Variants in ZNF517 observed in about 807,000 individuals in gnomAD.
ZNF517 encodes zinc finger protein 517.
A neutral mutation model predicts 12.1 loss-of-function variants in ZNF517; 12 were observed. That is an observed-to-expected ratio of 0.99 (90% CI 0.63 to 1.61). The LOEUF (loss-of-function observed/expected upper bound fraction) is 1.61. Among genes scored for constraint, ZNF517 ranks in the 40% most tolerant of loss-of-function variants. The pLI, the probability that ZNF517 is intolerant of heterozygous loss-of-function variation, is 0.00. For synonymous variants in ZNF517, 388 were observed against 310.2 expected (o/e 1.25, Z -2.63); for missense variants, 781 against 693.2 (o/e 1.13, Z -1.42).
chr8:144,799,052 C>G (rs1424417421), intron 1 of ZNF517, 115 bp downstream of exon 1: 1 of 152,220 alleles, frequency 6.6e-6, no homozygotes, highest in African/African-American at 2.4e-5. Context: ...GGGAGCGGAC[C>G]CGCAGCCGTC....
rs747014777 is a variant in ZNF517 at position 144,808,196 on chromosome 8, C to T, written c.1280C>T (p.Thr427Ile). 5.6e-6 allele frequency: 9 copies of T among 1,604,734 alleles called. No individual in the cohort carries two copies. Among genetic ancestry groups the T allele is most frequent in the South Asian group, 1.1e-5 (1 of 89,910 alleles). Reference sequence around the variant, plus strand: ...ACCAAGGAGAAGCCCTTCGCGTGCACCGAGTGCGGCAAGGCGTTCCGCAGG... The same window carrying T: ...ACCAAGGAGAAGCCCTTCGCGTGCATCGAGTGCGGCAAGGCGTTCCGCAGG... The part of the protein sequence containing the change: ...IHTKEKPFAC[T>I]ECGKAFRRSY... Residue 427 changes from threonine (T) to isoleucine (I), a missense_variant, in exon 5 of 5, where the codon ACC (threonine) becomes ATC (isoleucine). Physicochemically the swap from Thr to Ile is moderately conservative, Grantham distance 89. Coordinates refer to ENST00000359971, the MANE Select transcript of ZNF517 (RefSeq NM_213605.3).
chr8:144,806,879 C>T (rs1827248704), intron 4 of ZNF517, among the ~76,000 whole-genome samples: 2 of 152,224 alleles, frequency 1.3e-5, no homozygotes, highest in East Asian at 3.9e-4. Context: ...GGTATCATTT[C>T]ACAGTGTAGA....
chr8:144,806,891 G>A (rs1352816860), intron 4 of ZNF517, among the ~76,000 whole-genome samples: 3 of 151,138 alleles, frequency 2.0e-5, no homozygotes, highest in Admixed American at 6.6e-5. Flanking sequence ...CAGTGTAGAT[G>A]TTTATTGAAT....
At position 144,807,369 on chromosome 8, in the gene ZNF517, C is replaced by A. The variant is rs1214189436; in HGVS notation, c.453C>A (p.Pro151=). The A allele has an allele frequency of 1.9e-6, 3 of 1,555,430 alleles. No homozygotes were observed. Among genetic ancestry groups the A allele is most frequent in the Non-Finnish European group, 2.6e-6 (3 of 1,149,374 alleles). ...ACGGGTCAGATAAACCCACCCACCCCCGGGCTCGGGAGCACAGCGCCTCCC... is the reference window on the plus strand; with the variant it reads ...ACGGGTCAGATAAACCCACCCACCCACGGGCTCGGGAGCACAGCGCCTCCC... ...PEDGSDKPTH[P]RAREHSASPR... The change falls in exon 5 of 5, where the codon CCC becomes CCA. Residue 151 remains proline, a synonymous_variant. Transcript: ENST00000359971.
chr8:144,807,689 A>G lies in ZNF517; in HGVS notation c.773A>G (p.Glu258Gly). ...LAAHHRVHTRERPYACGECGK... is the reference protein window; with the variant it reads ...LAAHHRVHTRGRPYACGECGK... ...GCCCACCACCGCGTCCACACCCGCG[A>G]GCGGCCCTACGCATGCGGCGAGTGC... Residue 258 changes from glutamate to glycine, a missense_variant, in exon 5 of 5, where the codon GAG (glutamate) becomes GGG (glycine). Glu to Gly is a moderately conservative substitution (Grantham distance 98). Coordinates refer to ENST00000359971, the MANE Select transcript of ZNF517 (RefSeq NM_213605.3). 3.7e-6 allele frequency: 6 copies of G among 1,610,648 alleles called. No homozygotes were observed. Among genetic ancestry groups the G allele is most frequent in the Non-Finnish European group, 5.1e-6 (6 of 1,179,370 alleles).
chr8:144,799,308 C>G (rs1345078434), intron 1 of ZNF517, among the ~76,000 whole-genome samples: 1 of 152,220 alleles, frequency 6.6e-6, no homozygotes, highest in Non-Finnish European at 1.5e-5. Flanking sequence ...CAGCCTCGCT[C>G]CCCGGCGGAC....
chr8:144,802,777 C>G, intron 1 of ZNF517, 93 bp from the exon 2 acceptor site: 2 of 1,563,010 alleles, frequency 1.3e-6, no homozygotes, highest in South Asian at 2.4e-5. Context: ...ACTTTACCCT[C>G]TCCTGCTCCC....
At chr8:144,800,360 C>T (rs1282618784) in intron 1 of ZNF517, 14 of 466,380 alleles carry the variant, frequency 3.0e-5, no homozygotes, top group South Asian at 1.8e-4. Context: ...GGTTTTTTTC[C>T]CCTCTAACCA....
chr8:144,807,538 A>G lies in ZNF517; in HGVS notation c.622A>G (p.Thr208Ala), dbSNP rs764239797. ...IHTGAKPFQC[T>A]ECGKAFKQSS... ...CACCGGCGCCAAGCCCTTCCAGTGCACAGAGTGCGGGAAGGCCTTCAAGCA... is the reference window on the plus strand; with the variant it reads ...CACCGGCGCCAAGCCCTTCCAGTGCGCAGAGTGCGGGAAGGCCTTCAAGCA... The change falls in exon 5 of 5, where the codon ACA (threonine) becomes GCA (alanine). Residue 208 changes from threonine (T) to alanine (A), a missense_variant. By Grantham distance (58) the Thr-to-Ala change is moderately conservative (BLOSUM62 0). Transcript: ENST00000359971. 49 of 1,596,916 alleles carry G rather than the reference A, an allele frequency of 3.1e-5. No individual in the cohort carries two copies. The South Asian group carries it at 5.4e-4, about 18-fold the overall frequency.
At chr8:144,804,068 T>G in intron 3 of ZNF517, 57 bp from the exon 4 acceptor site, 1 of 1,537,672 alleles carries the variant, frequency 6.5e-7, no homozygotes, top group Non-Finnish European at 8.9e-7. Flanking sequence ...GCCAGGCACC[T>G]GGGCGTCCCT....
chr8:144,802,557 G>C (rs1307985345), intron 1 of ZNF517, among the ~76,000 whole-genome samples: 1 of 152,178 alleles, frequency 6.6e-6, no homozygotes, highest in Non-Finnish European at 1.5e-5. Flanking sequence ...ATGTCAGATG[G>C]CATAGTGCTA....
chr8:144,804,167 A>G lies in ZNF517; in HGVS notation c.203A>G (p.Gln68Arg), dbSNP rs755829919. 1.9e-6 allele frequency: 3 copies of G among 1,614,174 alleles called. No individual in the cohort carries two copies. The highest frequency in any genetic ancestry group is 2.5e-6 in the Non-Finnish European group (3 of 1,180,006). Reference sequence around the variant, plus strand: ...CCAGCACTGATCTCCCTATTGGAGCAAGGAGAGGAGCCGGGGGCCTTGATT... The same window carrying G: ...CCAGCACTGATCTCCCTATTGGAGCGAGGAGAGGAGCCGGGGGCCTTGATT... ...AKPALISLLE[Q>R]GEEPGALILQ... The change falls in exon 4 of 5, where the codon CAA becomes CGA. Residue 68 changes from glutamine (Q) to arginine (R), a missense_variant. By Grantham distance (43) the Gln-to-Arg change is conservative (BLOSUM62 1). Coordinates refer to ENST00000359971, the MANE Select transcript of ZNF517 (RefSeq NM_213605.3).
At chr8:144,811,568 T>C (rs1200732687), downstream of ZNF517, among the ~76,000 whole-genome samples, 95 of 121,346 alleles carry the variant, frequency 7.8e-4, no homozygotes, top group African/African-American at 3.0e-3. Flanking sequence ...GACTGCAGCC[T>C]GGAAGCAAAG....
At position 144,808,142 on chromosome 8, in the gene ZNF517, C is replaced by G. The variant is rs762567483; in HGVS notation, c.1226C>G (p.Ser409Cys). The G allele has an allele frequency of 6.2e-7, 1 of 1,611,632 alleles. No homozygotes were observed. The highest frequency in any genetic ancestry group is 8.5e-7 in the Non-Finnish European group (1 of 1,179,284). The change falls in exon 5 of 5, where the codon TCC becomes TGC. Residue 409 changes from serine (S) to cysteine (C), a missense_variant. Transcript: ENST00000359971. Reference sequence around the variant, plus strand: ...TGCGGCAAGGCCTTCGGTCGCAAGTCCAACCTCACTCTGCACCAGAAGATC... The same window carrying G: ...TGCGGCAAGGCCTTCGGTCGCAAGTGCAACCTCACTCTGCACCAGAAGATC... ...AECGKAFGRK[S>C]NLTLHQKIHT...
Position 144,808,772 on chromosome 8 carries a change from T to C in ZNF517, c.*377T>C, listed in dbSNP as rs144165418. The C allele has an allele frequency of 6.3e-5, 11 of 175,386 alleles. No homozygotes were observed. The highest frequency in any genetic ancestry group is 1.8e-3 in the Middle Eastern group (1 of 566). The allele number at this position is 175,386 out of a possible 1,614,324, so 10.9% of individuals were successfully genotyped here. A position where few individuals can be genotyped will look rare whatever the true frequency, so the allele number is the denominator to read the frequency against. ...CGGCCCGGGTCTTCGTGCAGAACCATTGGGCACAGCCAGGCCTTAGCGCCA... is the reference window on the plus strand; with the variant it reads ...CGGCCCGGGTCTTCGTGCAGAACCACTGGGCACAGCCAGGCCTTAGCGCCA... On this transcript the variant is annotated 3_prime_UTR_variant, in exon 5 of 5. Transcript: ENST00000359971.
At chr8:144,805,703 C>A (rs1400125977) in intron 4 of ZNF517, among the ~76,000 whole-genome samples, 1 of 151,376 alleles carries the variant, frequency 6.6e-6, no homozygotes, top group African/African-American at 2.4e-5. Flanking sequence ...GCAAGCTCCA[C>A]CTCCCGGGTT....
In ZNF517 at chr8:144,808,007, G is replaced by A. The variant is rs1413226466; in HGVS notation, c.1091G>A (p.Gly364Glu). 2 of 1,572,068 alleles carry A rather than the reference G, an allele frequency of 1.3e-6. No individual in the cohort carries two copies. The highest frequency in any genetic ancestry group is 1.7e-6 in the Non-Finnish European group (2 of 1,159,306). Reference protein sequence around the residue: ...LLGAAQRPQAGDPPHECPVCG... With the variant: ...LLGAAQRPQAEDPPHECPVCG... The stretch of plus-strand genomic sequence containing the variant: ...GGAGCTGCGCAGAGGCCCCAGGCGG[G>A]GGACCCGCCCCACGAGTGCCCGGTG... Residue 364 changes from glycine to glutamate, a missense_variant, in exon 5 of 5, where the codon GGG becomes GAG. By Grantham distance (98) the Gly-to-Glu change is moderately conservative. Transcript: ENST00000359971.
rs371171479 is a variant in ZNF517 at position 144,808,370 on chromosome 8, G to T, written c.1454G>T (p.Arg485Met). 6.8e-7 allele frequency: 1 copy of T among 1,462,316 alleles called. No homozygotes were observed. The allele number at this position is 1,462,316 out of a possible 1,614,324, so 90.6% of individuals were successfully genotyped here. ...GREPGEDTEG[R>M]RAPCWAS is the part of the protein sequence containing the mutation. ...GAGCCCGGGGAGGACACAGAGGGCA[G>T]GCGGGCGCCCTGTTGGGCTTCCTGA... The change falls in exon 5 of 5, where the codon AGG (arginine) becomes ATG (methionine). Residue 485 changes from arginine to methionine, a missense_variant. By Grantham distance (91) the Arg-to-Met change is moderately conservative (BLOSUM62 -1). Coordinates refer to ENST00000359971, the MANE Select transcript of ZNF517 (RefSeq NM_213605.3).
At position 144,808,516 on chromosome 8, in the gene ZNF517, T is replaced by G; in HGVS notation, c.*121T>G. 2.3e-6 allele frequency: 3 copies of G among 1,288,500 alleles called. No homozygotes were observed. The African/African-American group carries it at 4.7e-5, about 20-fold the overall frequency. 79.8% of individuals were successfully genotyped at this position (1,288,500 alleles called of 1,614,324 possible). A position where few individuals can be genotyped will look rare whatever the true frequency, so the allele number is the denominator to read the frequency against. On this transcript the variant is annotated 3_prime_UTR_variant, in exon 5 of 5. Transcript: ENST00000359971. Reference sequence around the variant, plus strand: ...AGCAAAGTCTAAAGAAAGGGCCAGCTCCCATCAGGAGCTCGGCTTCTTGCT... The same window carrying G: ...AGCAAAGTCTAAAGAAAGGGCCAGCGCCCATCAGGAGCTCGGCTTCTTGCT...
Sources: allele counts gnomAD v4.1 joint callset (sites outside exome capture counted in the v4.1 genomes callset), GRCh38; gene constraint gnomAD v4.1.1; transcripts MANE v1.5; gene names NCBI Gene and HGNC (gene_info 2026-07-23, HGNC 2026-07-21).